ANO1: variants seen among roughly 807,000 people sequenced by gnomAD.
The protein encoded by ANO1 is anoctamin 1, also known as anoctamin-1.
A neutral mutation model predicts 124.0 loss-of-function variants in ANO1; 59 were observed. The observed-to-expected ratio is 0.48, with a 90% CI of 0.39 to 0.59. ANO1 has a LOEUF of 0.59. Ranked by LOEUF, ANO1 falls within the 20% of genes least tolerant of loss-of-function variation. The probability of loss-of-function intolerance (pLI) is 0.00; values close to 1 mark genes in which losing one functional copy is unlikely to be tolerated. For synonymous variants in ANO1, 529 were observed against 532.0 expected, an observed-to-expected ratio of 0.99 and a Z score of 0.08; for missense variants, 1,059 against 1,328.0, an observed-to-expected ratio of 0.80 and a Z score of 3.15.
At chr11:70,109,751 T>C (rs902201467) in intron 6 of ANO1, among the ~76,000 whole-genome samples, 1 of 152,140 alleles carries the variant, frequency 6.6e-6, no homozygotes, top group Non-Finnish European at 1.5e-5. Flanking sequence ...ATGGTTGCAA[T>C]AGAAGTCCAG....
intron 11 of ANO1, among the ~76,000 whole-genome samples, chr11:70,146,930 C>A (rs2047399936): frequency 6.6e-6 from 1 of 152,208 alleles, no homozygotes; most frequent in South Asian, 2.1e-4. Flanking sequence ...GGATGGTGCC[C>A]ACCCAGATGA....
intron 10 of ANO1, chr11:70,129,494 C>T (rs369030900): frequency 2.8e-4 from 42 of 152,334 alleles, no homozygotes; most frequent in African/African-American, 9.6e-4. Flanking sequence ...TGTGCCTACT[C>T]ACCCTGCCCG....
intron 1 of ANO1, among the ~76,000 whole-genome samples, chr11:70,086,554 C>A (rs2044392920): frequency 6.6e-6 from 1 of 152,224 alleles, no homozygotes; most frequent in African/African-American, 2.4e-5. Context: ...TCCTCTGCAC[C>A]CAAAGGTGAC....
At chr11:69,982,947 G>T (rs1224904052), upstream of ANO1, among the ~76,000 whole-genome samples, 2 of 152,278 alleles carry the variant, frequency 1.3e-5, no homozygotes, top group East Asian at 1.9e-4. Context: ...GTGGGGGCAG[G>T]GTGTACGTGA....
At chr11:70,139,743 T>C (rs143318345) in intron 11 of ANO1, among the ~76,000 whole-genome samples, 8 of 152,354 alleles carry the variant, frequency 5.3e-5, no homozygotes, top group African/African-American at 4.8e-5. Flanking sequence ...GGTAGAACAA[T>C]TGATATTCCT....
chr11:69,972,195 A>AG, the ANO1 span, among the ~76,000 whole-genome samples: 3 of 151,468 alleles, frequency 2.0e-5, no homozygotes, highest in African/African-American at 7.3e-5. Context: ...TCAAAAAAAA[A>AG]AAAAAAAAAA....
chr11:70,052,135 T>C (rs193122049), intron 1 of ANO1, among the ~76,000 whole-genome samples: 13 of 151,600 alleles, frequency 8.6e-5, no homozygotes, highest in African/African-American at 3.2e-4. Flanking sequence ...ACACCACTTA[T>C]TGATTTCACA....
At position 70,059,949 on chromosome 11, in the gene ANO1, C is replaced by A. The variant is rs549553832; in HGVS notation, c.59-18593C>A. On this transcript the variant is annotated intron_variant, in intron 1 of 27. Transcript: ENST00000531349. Reference sequence around the variant, plus strand: ...ATATTAGCGGGTGTGGAGGCGTTGGCCTTTTTTTTTTTTTTTTTTTTTTTT... The same window carrying A: ...ATATTAGCGGGTGTGGAGGCGTTGGACTTTTTTTTTTTTTTTTTTTTTTTT... Among the ~76,000 whole-genome samples the A allele has an allele frequency of 2.8e-3, 309 of 112,204 alleles. 2 individuals are homozygous for A. The highest frequency in any genetic ancestry group is 9.8e-3 in the African/African-American group (292 of 29,740). 73.6% of individuals were successfully genotyped at this position (112,204 alleles called of 152,430 possible).
rs189905383 is a variant in ANO1 at position 69,993,494 on chromosome 11, T to C, written c.58+7328T>C. ...AAAGGGAGAGAGCCTCGGGCTATAT[T>C]CCAGTTCCTGCTTGCCAAATTGATC... On this transcript the variant is annotated intron_variant, in intron 1 of 27. Transcript: ENST00000531349. Among the ~76,000 whole-genome samples, 98 of 152,290 alleles carry C rather than the reference T, an allele frequency of 6.4e-4. 1 individual carries two copies. Among genetic ancestry groups the C allele is most frequent in the Admixed American group, 5.4e-3 (83 of 15,300 alleles).
Position 70,188,079 on chromosome 11 carries a change from C to T in ANO1, c.*75C>T. 1 of 1,487,654 alleles carries T rather than the reference C, an allele frequency of 6.7e-7. No homozygotes were observed. The highest frequency in any genetic ancestry group is 1.4e-5 in the African/African-American group (1 of 71,838). 92.2% of individuals were successfully genotyped at this position (1,487,654 alleles called of 1,614,324 possible). A position where few individuals can be genotyped will look rare whatever the true frequency, so the allele number is the denominator to read the frequency against. On this transcript the variant is annotated 3_prime_UTR_variant, in exon 26 of 26. Coordinates refer to ENST00000355303, the MANE Select transcript of ANO1 (RefSeq NM_018043.7). ...ACCCTCTCCCAGGGCAGGCGGCTTC[C>T]CGCTCCCACCAGGGCCCGGTGGGTC...
chr11:70,153,546 C>T (rs879823405), intron 14 of ANO1, among the ~76,000 whole-genome samples: 14 of 152,196 alleles, frequency 9.2e-5, no homozygotes, highest in Non-Finnish European at 2.1e-4. Context: ...AAACAGAAGC[C>T]TTTGCCAAAC....
chr11:70,006,536 CTCTT>C (rs35710685), intron 1 of ANO1, among the ~76,000 whole-genome samples: 1,556 of 103,416 alleles, frequency 0.015, 12 homozygotes, highest in African/African-American at 0.032. Context: ...CTGTATTTCA[CTCTT>C]TCTTTCTTCC....
intron 1 of ANO1, among the ~76,000 whole-genome samples, chr11:70,009,915 C>T (rs192941753): frequency 1.5e-3 from 229 of 152,014 alleles, no homozygotes; most frequent in African/African-American, 5.3e-3. Context: ...TCTTTTATCC[C>T]TCACCCTCCT....
chr11:70,021,018 G>C (rs1465693437), intron 1 of ANO1: 2 of 152,154 alleles, frequency 1.3e-5, no homozygotes, highest in Non-Finnish European at 2.9e-5. Context: ...CAGGCCATAA[G>C]TGAGCACGTG....
intron 5 of ANO1, among the ~76,000 whole-genome samples, chr11:70,107,799 G>GA (rs2045617891): frequency 6.6e-6 from 1 of 152,164 alleles, no homozygotes; most frequent in Admixed American, 6.5e-5. Context: ...AGCCGGGGGG[G>GA]AATCCCTTCA....
intron 1 of ANO1, among the ~76,000 whole-genome samples, chr11:70,027,746 G>A (rs773428414): frequency 5.3e-4 from 81 of 152,316 alleles, no homozygotes; most frequent in Non-Finnish European, 9.6e-4. Flanking sequence ...GTGATTCCAG[G>A]GAGGTGAGGG....
chr11:70,050,336 C>G (rs1010873280), intron 1 of ANO1, among the ~76,000 whole-genome samples: 3 of 152,170 alleles, frequency 2.0e-5, no homozygotes, highest in African/African-American at 7.2e-5. Flanking sequence ...GATTGGAGGG[C>G]CAGGTCCTCC....
chr11:70,136,091 C>A (rs1392602233), intron 11 of ANO1, among the ~76,000 whole-genome samples: 2 of 152,234 alleles, frequency 1.3e-5, no homozygotes, highest in Non-Finnish European at 2.9e-5. Flanking sequence ...GATTGGTCAA[C>A]ACCCTGGTTG....
chr11:70,093,844 G>A (rs2044733979), intron 2 of ANO1, among the ~76,000 whole-genome samples: 1 of 152,264 alleles, frequency 6.6e-6, no homozygotes, highest in Admixed American at 6.5e-5. Context: ...TGCATAGGTG[G>A]TGGAGACGCA....
Sources: gnomAD v4.1 joint callset for allele counts (sites outside exome capture counted in the v4.1 genomes callset) on GRCh38, gnomAD v4.1.1 for gene constraint, MANE v1.5 for transcripts, NCBI Gene and HGNC (gene_info 2026-07-23, HGNC 2026-07-21) for gene names.